The following PKN2 variants were observed in gnomAD, a reference collection of about 807,000 sequenced individuals.
PKN2 encodes the protein protein kinase N2, also known as serine/threonine-protein kinase N2.
PKN2 carries 38 observed loss-of-function variants against 119.1 expected under a neutral mutation model. The ratio of observed to expected loss-of-function variants is 0.32; its 90% CI spans 0.25 to 0.42. The LOEUF (loss-of-function observed/expected upper bound fraction) is 0.42, where lower values mean the gene tolerates loss of function less well. Among genes scored for constraint, PKN2 ranks in the 10% least tolerant of loss-of-function variants. The probability of loss-of-function intolerance (pLI) is 1.00; values close to 1 mark genes in which losing one functional copy is unlikely to be tolerated. For missense variants in PKN2, 850 were observed against 1,165.1 expected (o/e 0.73, Z 3.94); for synonymous variants, 390 against 384.9 (o/e 1.01, Z -0.15).
chr1:88,706,711 G>A (rs1667017649), intron 1 of PKN2, among the ~76,000 whole-genome samples: 1 of 151,950 alleles, frequency 6.6e-6, no homozygotes, highest in Non-Finnish European at 1.5e-5. Context: ...ATTATTTTTT[G>A]TTTCTATTGA....
chr1:88,703,663 T>C (rs1243117277), intron 1 of PKN2, among the ~76,000 whole-genome samples: 1 of 152,168 alleles, frequency 6.6e-6, no homozygotes, highest in Admixed American at 6.5e-5. Flanking sequence ...GTTTATAGAA[T>C]GACATTTTAC....
intron 1 of PKN2, among the ~76,000 whole-genome samples, chr1:88,738,730 A>G (rs1332400691): frequency 6.6e-6 from 1 of 152,268 alleles, no homozygotes; most frequent in Non-Finnish European, 1.5e-5. Context: ...AAAGCAGTTC[A>G]TAAAGTGTTT....
chr1:88,805,494 C>T lies in PKN2; in HGVS notation c.1502-3C>T, dbSNP rs745370688. 4 of 1,579,314 alleles carry T rather than the reference C, an allele frequency of 2.5e-6. No homozygotes were observed. The highest frequency in any genetic ancestry group is 1.8e-5 in the Admixed American group (1 of 55,094). On this transcript the variant is annotated splice_polypyrimidine_tract_variant and splice_region_variant and intron_variant, in intron 10 of 21. Transcript: ENST00000370521. ...CTGTTTTTGTTTTTTTCAACATCTA[C>T]AGGCAAAACATTTCTCAGAGCTCCT... is the stretch of plus-strand genomic sequence containing the variant.
intron 1 of PKN2, among the ~76,000 whole-genome samples, chr1:88,688,079 T>A (rs1171710293): frequency 1.0e-5 from 1 of 95,946 alleles, no homozygotes; most frequent in African/African-American, 4.1e-5. Context: ...TGTTTCCCAC[T>A]ACACTATTCT....
At chr1:88,807,491 TTTA>T in intron 13 of PKN2, 35 bp from the exon 14 acceptor site, 1 of 1,603,066 alleles carries the variant, frequency 6.2e-7, no homozygotes, top group Non-Finnish European at 8.5e-7. Context: ...GGTACCATAC[TTTA>T]TTGTCTTATT....
chr1:88,731,373 A>C (rs572691292), intron 1 of PKN2, among the ~76,000 whole-genome samples: 1 of 152,332 alleles, frequency 6.6e-6, no homozygotes, highest in East Asian at 1.9e-4. Context: ...CCCTGGCTTA[A>C]GGCAGGTAAT....
Position 88,807,776 on chromosome 1 carries a change from G to A in PKN2, c.2102+1G>A. 1 of 1,531,288 alleles carries A rather than the reference G, an allele frequency of 6.5e-7. No individual in the cohort carries two copies. Among genetic ancestry groups the A allele is most frequent in the Non-Finnish European group, 8.9e-7 (1 of 1,123,566 alleles). The allele number at this position is 1,531,288 out of a possible 1,614,324, so 94.9% of individuals were successfully genotyped here. On this transcript the variant is annotated splice_donor_variant, in intron 15 of 21. Transcript: ENST00000370521. LOFTEE classifies it high-confidence loss of function. ...TTGTGGCTCGAGATGAAGTAGACAG[G>A]TTAGTTTTTAAAAATGAAATTGTTT...
intron 6 of PKN2, among the ~76,000 whole-genome samples, chr1:88,779,688 A>G (rs115895323): frequency 0.011 from 1,726 of 152,328 alleles, 14 homozygotes; most frequent in South Asian, 0.018. Flanking sequence ...TGAGGTTATG[A>G]AAGTGTTCTT....
At chr1:88,690,676 G>A (rs1301530806) in intron 1 of PKN2, among the ~76,000 whole-genome samples, 1 of 152,040 alleles carries the variant, frequency 6.6e-6, no homozygotes, top group African/African-American at 2.4e-5. Flanking sequence ...AATCTTGTTT[G>A]AAACTAGCTC....
chr1:88,746,017 T>C (rs1365004032), intron 2 of PKN2, among the ~76,000 whole-genome samples: 23 of 152,138 alleles, frequency 1.5e-4, no homozygotes, highest in Admixed American at 1.4e-3. Context: ...GAAAACTGGA[T>C]ATCGACATGC....
At chr1:88,688,517 T>A (rs909272292) in intron 1 of PKN2, among the ~76,000 whole-genome samples, 6 of 152,254 alleles carry the variant, frequency 3.9e-5, no homozygotes, top group African/African-American at 1.4e-4. Context: ...ACACTACTTG[T>A]TAGCTCCGTC....
At chr1:88,768,860 G>T (rs1386001116) in intron 3 of PKN2, among the ~76,000 whole-genome samples, 1 of 152,342 alleles carries the variant, frequency 6.6e-6, no homozygotes, top group East Asian at 1.9e-4. Context: ...GAAGGATGGT[G>T]CTGGCATGTG....
chr1:88,818,883 C>A (rs1222229804), intron 16 of PKN2, among the ~76,000 whole-genome samples: 4 of 152,124 alleles, frequency 2.6e-5, no homozygotes, highest in Non-Finnish European at 5.9e-5. Flanking sequence ...CACACATCTA[C>A]AACCATCTCA....
intron 1 of PKN2, among the ~76,000 whole-genome samples, chr1:88,691,989 G>A (rs757635548): frequency 2.0e-5 from 3 of 151,218 alleles, no homozygotes; most frequent in Middle Eastern, 3.4e-3. Context: ...AGTACTGTTC[G>A]TGGTTTTAGG....
At chr1:88,764,247 A>T (rs945224624) in intron 3 of PKN2, among the ~76,000 whole-genome samples, 1 of 152,156 alleles carries the variant, frequency 6.6e-6, no homozygotes, top group Non-Finnish European at 1.5e-5. Flanking sequence ...TGCACTTGCT[A>T]TATCTTTGCC....
intron 1 of PKN2, among the ~76,000 whole-genome samples, chr1:88,733,531 GTTAT>G (rs1273242735): frequency 6.6e-6 from 1 of 152,050 alleles, no homozygotes; most frequent in African/African-American, 2.4e-5. Context: ...TTTTGATCAG[GTTAT>G]TTGTTTGTTA....
Position 88,833,620 on chromosome 1 carries a change from G to C in PKN2, c.*172G>C, listed in dbSNP as rs1370183142. 3.4e-6 allele frequency: 2 copies of C among 590,896 alleles called. No individual in the cohort carries two copies. Among genetic ancestry groups the C allele is most frequent in the Non-Finnish European group, 5.9e-6 (2 of 336,266 alleles). 36.6% of individuals were successfully genotyped at this position (590,896 alleles called of 1,614,324 possible). ...ACCATTCTAATACTTCTTCAAAAGT[G>C]GCTCCTCATTGTACTTCAGCGTAAA... On this transcript the variant is annotated 3_prime_UTR_variant, in exon 22 of 22. Transcript: ENST00000370521.
At chr1:88,833,223 C>G (rs753678608) in intron 21 of PKN2, 22 bp from the exon 22 acceptor site, 2 of 1,610,896 alleles carry the variant, frequency 1.2e-6, no homozygotes, top group Admixed American at 3.4e-5. Context: ...CTAAACTAGT[C>G]ATTTTTTATT....
intron 2 of PKN2, among the ~76,000 whole-genome samples, chr1:88,758,823 T>C (rs1184571106): frequency 6.6e-6 from 1 of 152,216 alleles, no homozygotes; most frequent in Non-Finnish European, 1.5e-5. Flanking sequence ...GTCTTTGCTA[T>C]TGTGAATAGT....
Sources: gnomAD v4.1 joint callset for allele counts (sites outside exome capture counted in the v4.1 genomes callset) on GRCh38, gnomAD v4.1.1 for gene constraint, MANE v1.5 for transcripts, NCBI Gene and HGNC (gene_info 2026-07-23, HGNC 2026-07-21) for gene names.